Variants in SEMA6D observed in about 807,000 individuals in gnomAD.
The protein encoded by SEMA6D is semaphorin 6D.
A neutral mutation model predicts 106.6 loss-of-function variants in SEMA6D; 35 were observed. The observed-to-expected ratio is 0.33, with a 90% CI of 0.25 to 0.44. The LOEUF (loss-of-function observed/expected upper bound fraction) is 0.44. Ranked by LOEUF, SEMA6D falls within the 20% of genes least tolerant of loss-of-function variation. SEMA6D has a pLI of 1.00. For synonymous variants in SEMA6D, 499 were observed against 487.7 expected, an observed-to-expected ratio of 1.02 and a Z score of -0.31; for missense variants, 1,185 against 1,345.9, an observed-to-expected ratio of 0.88 and a Z score of 1.87.
chr15:47,194,103 A>ATGGATGGGTGGATGGG (rs1372774633), intron 1 of SEMA6D, among the ~76,000 whole-genome samples: 5 of 150,744 alleles, frequency 3.3e-5, no homozygotes, highest in Non-Finnish European at 7.4e-5. Flanking sequence ...GGGTGGATGG[A>ATGGATGGGTGGATGGG]TGGATGGGTG....
intron 3 of SEMA6D, among the ~76,000 whole-genome samples, chr15:47,570,450 T>C (rs2046351432): frequency 6.6e-6 from 1 of 152,262 alleles, no homozygotes; most frequent in Non-Finnish European, 1.5e-5. Flanking sequence ...GATATTTAAA[T>C]ATGTCACAAT....
At chr15:47,723,414 T>C (rs1195226701) in intron 1 of SEMA6D, among the ~76,000 whole-genome samples, 2 of 152,172 alleles carry the variant, frequency 1.3e-5, no homozygotes, top group Admixed American at 6.5e-5. Context: ...CCGGGTGTGA[T>C]TGACATTCAT....
At chr15:47,349,487 CAG>C (rs1450437630) in intron 1 of SEMA6D, among the ~76,000 whole-genome samples, 3 of 152,280 alleles carry the variant, frequency 2.0e-5, no homozygotes, top group African/African-American at 7.2e-5. Flanking sequence ...GATATAAAGA[CAG>C]ATAAATATTA....
intron 1 of SEMA6D, among the ~76,000 whole-genome samples, chr15:47,371,865 A>G (rs916477233): frequency 2.6e-5 from 4 of 152,242 alleles, no homozygotes; most frequent in East Asian, 1.9e-4. Context: ...CTTTACAAAT[A>G]TTTTCTCATT....
At position 47,454,628 on chromosome 15, in the gene SEMA6D, G is replaced by C. The variant is rs542190650; in HGVS notation, c.-158-15846G>C. The stretch of plus-strand genomic sequence containing the variant: ...ACACACACACACACACACACACACA[G>C]AGCTTTTTACCCCATTATTTATCTC... On this transcript the variant is annotated intron_variant, in intron 2 of 19. Coordinates refer to the SEMA6D transcript ENST00000558014. Among the ~76,000 whole-genome samples, 59 of 114,968 alleles carry C rather than the reference G, an allele frequency of 5.1e-4. 1 individual carries two copies. In the East Asian group the frequency reaches 0.017, roughly 32 times the overall value. 75.4% of individuals were successfully genotyped at this position (114,968 alleles called of 152,430 possible). A position where few individuals can be genotyped will look rare whatever the true frequency, so the allele number is the denominator to read the frequency against.
chr15:47,747,428 A>C (rs2081206418), intron 1 of SEMA6D, among the ~76,000 whole-genome samples: 1 of 152,228 alleles, frequency 6.6e-6, no homozygotes, highest in Non-Finnish European at 1.5e-5. Context: ...ATGTAACCAA[A>C]GTATTACTGA....
intron 1 of SEMA6D, among the ~76,000 whole-genome samples, chr15:47,392,046 A>G (rs1305054818): frequency 2.0e-5 from 3 of 152,074 alleles, no homozygotes; most frequent in Non-Finnish European, 4.4e-5. Flanking sequence ...CTGTAAAACT[A>G]CTGTCCCTGA....
At chr15:47,454,830 G>T (rs1215300582) in intron 2 of SEMA6D, among the ~76,000 whole-genome samples, 1 of 151,912 alleles carries the variant, frequency 6.6e-6, no homozygotes, top group Non-Finnish European at 1.5e-5. Flanking sequence ...CTACAGCCAG[G>T]TAGTATGGGG....
At position 47,441,953 on chromosome 15, in the gene SEMA6D, A is replaced by C. The variant is rs748728692; in HGVS notation, c.-158-28521A>C. On this transcript the variant is annotated intron_variant, in intron 2 of 19. Coordinates refer to the SEMA6D transcript ENST00000558014. ...ATTATTATAACTCAATGAGATAATT[A>C]AGCAGGTTTTTAATCCATGAATCAT... 1.1e-3 allele frequency among the ~76,000 whole-genome samples: 161 copies of C among 152,090 alleles called. 4 individuals are homozygous for C. Among genetic ancestry groups the C allele is most frequent in the South Asian group, 1.0e-3 (5 of 4,822 alleles).
At chr15:47,215,662 A>C (rs2030519616) in intron 1 of SEMA6D, among the ~76,000 whole-genome samples, 2 of 152,126 alleles carry the variant, frequency 1.3e-5, no homozygotes, top group Non-Finnish European at 2.9e-5. Flanking sequence ...TATGTATATA[A>C]TAAATCAGTT....
At chr15:47,321,814 T>C (rs1278670459) in intron 1 of SEMA6D, among the ~76,000 whole-genome samples, 2 of 152,186 alleles carry the variant, frequency 1.3e-5, no homozygotes, top group East Asian at 1.9e-4. Flanking sequence ...TCCTGTTCTA[T>C]TGGGCTATTT....
At chr15:47,375,338 C>T (rs1197913272) in intron 1 of SEMA6D, among the ~76,000 whole-genome samples, 3 of 152,168 alleles carry the variant, frequency 2.0e-5, no homozygotes, top group Non-Finnish European at 4.4e-5. Flanking sequence ...TATGGAGCCT[C>T]ATACTAATGT....
At chr15:47,480,277 G>C (rs905284847) in intron 3 of SEMA6D, among the ~76,000 whole-genome samples, 4 of 151,780 alleles carry the variant, frequency 2.6e-5, no homozygotes, top group Non-Finnish European at 5.9e-5. Context: ...GATTATTTTA[G>C]GGACTTTAGC....
intron 4 of SEMA6D, among the ~76,000 whole-genome samples, chr15:47,686,631 ACCC>A (rs2078475617): frequency 6.6e-6 from 1 of 152,068 alleles, no homozygotes; most frequent in Non-Finnish European, 1.5e-5. Flanking sequence ...CTTCCTGGTC[ACCC>A]ACCCTCTCGG....
At position 47,763,957 on chromosome 15, in the gene SEMA6D, T is replaced by G. The variant is rs2082198968; in HGVS notation, c.855T>G (p.Ser285=). 2 of 1,614,038 alleles carry G rather than the reference T, an allele frequency of 1.2e-6. No homozygotes were observed. Among genetic ancestry groups the G allele is most frequent in the Non-Finnish European group, 1.7e-6 (2 of 1,179,902 alleles). The change falls in exon 10 of 19, where the codon TCT becomes TCG. Residue 285 remains serine, a synonymous_variant. Transcript: ENST00000536845. ...TSFLKARLNC[S]VPGDSFFYFD... is the part of the protein sequence containing the mutation. ...TTCTAAAGGCTCGGCTGAACTGTTCTGTCCCTGGAGATTCGTTTTTCTACT... is the reference window on the plus strand; with the variant it reads ...TTCTAAAGGCTCGGCTGAACTGTTCGGTCCCTGGAGATTCGTTTTTCTACT...
At chr15:47,564,799 C>G (rs962931020) in intron 3 of SEMA6D, among the ~76,000 whole-genome samples, 2 of 152,110 alleles carry the variant, frequency 1.3e-5, no homozygotes, top group Admixed American at 1.3e-4. Flanking sequence ...CCGCCCTACC[C>G]CATCCTGTGC....
chr15:47,298,410 A>C (rs2035889271), intron 1 of SEMA6D, among the ~76,000 whole-genome samples: 1 of 152,088 alleles, frequency 6.6e-6, no homozygotes, highest in African/African-American at 2.4e-5. Context: ...AAAATACCAA[A>C]AACATTTAGG....
intron 4 of SEMA6D, among the ~76,000 whole-genome samples, chr15:47,692,607 C>G (rs1395434375): frequency 6.6e-6 from 1 of 152,180 alleles, no homozygotes; most frequent in Non-Finnish European, 1.5e-5. Flanking sequence ...TTCTCCAATG[C>G]TCAAAGCAAA....
At chr15:47,408,682 GGTATT>G (rs766793815) in intron 1 of SEMA6D, among the ~76,000 whole-genome samples, 4 of 152,208 alleles carry the variant, frequency 2.6e-5, no homozygotes, top group Non-Finnish European at 4.4e-5. Context: ...TAAGCAAATA[GGTATT>G]GACACAATGA....
Sources: gnomAD v4.1 joint callset for allele counts (sites outside exome capture counted in the v4.1 genomes callset) on GRCh38, gnomAD v4.1.1 for gene constraint, MANE v1.5 for transcripts, NCBI Gene and HGNC (gene_info 2026-07-23, HGNC 2026-07-21) for gene names.